LRRIQ3: variants seen among roughly 807,000 people sequenced by gnomAD.
LRRIQ3 encodes leucine rich repeats and IQ motif containing 3, also known as leucine-rich repeat and IQ domain-containing protein 3.
Under a neutral mutation model 59.3 loss-of-function variants are expected in LRRIQ3, and 75 were observed. The ratio of observed to expected loss-of-function variants is 1.26; its 90% CI spans 1.05 to 1.53. The LOEUF (loss-of-function observed/expected upper bound fraction) is 1.53, where lower values mean the gene tolerates loss of function less well. Among genes scored for constraint, LRRIQ3 ranks in the 40% most tolerant of loss-of-function variants. The pLI is 0.00. For missense variants in LRRIQ3, 831 were observed against 710.0 expected, an observed-to-expected ratio of 1.17 and a Z score of -1.94; for synonymous variants, 250 against 231.3, an observed-to-expected ratio of 1.08 and a Z score of -0.73.
intron 6 of LRRIQ3, among the ~76,000 whole-genome samples, chr1:74,067,161 G>A (rs968735175): frequency 1.2e-4 from 18 of 152,104 alleles, no homozygotes; most frequent in Non-Finnish European, 2.1e-4. Flanking sequence ...ATCTCTACGT[G>A]TGCAGTATCT....
At chr1:74,046,704 T>G (rs1242973475) in intron 6 of LRRIQ3, among the ~76,000 whole-genome samples, 1 of 152,188 alleles carries the variant, frequency 6.6e-6, no homozygotes, top group East Asian at 1.9e-4. Context: ...GTCCATCTGA[T>G]GTAGGCCTAA....
chr1:74,176,731 G>A (rs946266515), intron 3 of LRRIQ3, among the ~76,000 whole-genome samples: 2 of 152,026 alleles, frequency 1.3e-5, no homozygotes, highest in African/African-American at 4.8e-5. Context: ...TTATCACCCA[G>A]CAATGGTAAA....
At chr1:74,076,587 C>T (rs1255779536) in intron 5 of LRRIQ3, among the ~76,000 whole-genome samples, 2 of 152,064 alleles carry the variant, frequency 1.3e-5, no homozygotes, top group African/African-American at 4.8e-5. Flanking sequence ...ATTACTTCGA[C>T]CTGTTCACTT....
intron 1 of LRRIQ3, among the ~76,000 whole-genome samples, chr1:74,187,187 A>G (rs1226779212): frequency 6.6e-6 from 1 of 152,156 alleles, no homozygotes; most frequent in Non-Finnish European, 1.5e-5. Flanking sequence ...GTATCTATCC[A>G]AAGGAAAATA....
intron 3 of LRRIQ3, among the ~76,000 whole-genome samples, chr1:74,161,163 A>T (rs1254418415): frequency 6.6e-6 from 1 of 151,938 alleles, no homozygotes; most frequent in Non-Finnish European, 1.5e-5. Context: ...CACGTAATGG[A>T]AAGGGGACGG....
intron 5 of LRRIQ3, 92 bp downstream of exon 5, chr1:74,109,302 A>G: frequency 1.1e-6 from 1 of 914,844 alleles, no homozygotes; most frequent in South Asian, 1.6e-5. Flanking sequence ...AGGACATTTA[A>G]TAGAGACTGA....
chr1:74,185,315 T>C (rs1650285937), intron 1 of LRRIQ3, among the ~76,000 whole-genome samples: 1 of 152,212 alleles, frequency 6.6e-6, no homozygotes, highest in South Asian at 2.1e-4. Context: ...CATAATGTTG[T>C]CAATGTTTTG....
chr1:74,030,231 G>A (rs1312243497), intron 7 of LRRIQ3, among the ~76,000 whole-genome samples: 2 of 151,946 alleles, frequency 1.3e-5, no homozygotes, highest in Admixed American at 6.6e-5. Flanking sequence ...TCCCCATCAA[G>A]CTACCAATGA....
chr1:74,034,806 T>C (rs897136794), intron 7 of LRRIQ3, among the ~76,000 whole-genome samples: 3 of 152,004 alleles, frequency 2.0e-5, no homozygotes, highest in Non-Finnish European at 2.9e-5. Context: ...AAATGCTTTT[T>C]TTTATTTAAA....
chr1:74,088,455 C>A (rs1646355172), intron 5 of LRRIQ3, among the ~76,000 whole-genome samples: 1 of 151,846 alleles, frequency 6.6e-6, no homozygotes, highest in Non-Finnish European at 1.5e-5. Flanking sequence ...TTATTCAATG[C>A]CAAAATTATA....
At chr1:74,048,501 G>C (rs1654269559) in intron 6 of LRRIQ3, among the ~76,000 whole-genome samples, 1 of 152,048 alleles carries the variant, frequency 6.6e-6, no homozygotes, top group South Asian at 2.1e-4. Context: ...TGATCTCAGT[G>C]AACGATTAAG....
intron 4 of LRRIQ3, among the ~76,000 whole-genome samples, chr1:74,132,915 G>T (rs1026729628): frequency 3.9e-5 from 6 of 152,078 alleles, no homozygotes; most frequent in Non-Finnish European, 5.9e-5. Flanking sequence ...ACTACCATCA[G>T]AATGAACAGG....
At chr1:74,109,944 A>G (rs115492431) in intron 4 of LRRIQ3, among the ~76,000 whole-genome samples, 256 of 151,906 alleles carry the variant, frequency 1.7e-3, no homozygotes, top group African/African-American at 5.8e-3. Context: ...AGTTATTACT[A>G]TATCACAAAA....
chr1:74,155,669 T>C (rs971752579), intron 4 of LRRIQ3, 64 bp downstream of exon 4: 7 of 1,430,028 alleles, frequency 4.9e-6, no homozygotes, highest in Non-Finnish European at 6.6e-6. Flanking sequence ...AGAATTGACT[T>C]CTTATCATTT....
chr1:74,157,370 CTATTA>C (rs757977464), intron 3 of LRRIQ3, among the ~76,000 whole-genome samples: 4 of 152,160 alleles, frequency 2.6e-5, no homozygotes, highest in South Asian at 4.1e-4. Flanking sequence ...GATTGGCACT[CTATTA>C]TGAGTCTCAT....
At chr1:74,096,932 G>A (rs1329261343) in intron 5 of LRRIQ3, among the ~76,000 whole-genome samples, 1 of 152,104 alleles carries the variant, frequency 6.6e-6, no homozygotes, top group African/African-American at 2.4e-5. Context: ...GGGGTACCCG[G>A]CTGTGTGGAG....
At chr1:74,154,036 T>C (rs370602023) in intron 4 of LRRIQ3, among the ~76,000 whole-genome samples, 1 of 151,732 alleles carries the variant, frequency 6.6e-6, no homozygotes, top group Non-Finnish European at 1.5e-5. Flanking sequence ...GGTCAGGAGA[T>C]TGAGACCATC....
chr1:74,032,208 A>G (rs1488247602), intron 7 of LRRIQ3, among the ~76,000 whole-genome samples: 4 of 152,056 alleles, frequency 2.6e-5, no homozygotes, highest in Non-Finnish European at 5.9e-5. Flanking sequence ...ATTTATTAAA[A>G]TTTAAATTTA....
chr1:74,193,474 T>A (rs17094907), intron 1 of LRRIQ3, among the ~76,000 whole-genome samples: 1,802 of 152,222 alleles, frequency 0.012, 45 homozygotes, highest in African/African-American at 0.041. Context: ...ACACCCAACT[T>A]TGATGGCAAA....
Sources: gnomAD v4.1 joint callset for allele counts (sites outside exome capture counted in the v4.1 genomes callset) on GRCh38, gnomAD v4.1.1 for gene constraint, MANE v1.5 for transcripts, NCBI Gene and HGNC (gene_info 2026-07-23, HGNC 2026-07-21) for gene names.